Variants in IL1RAPL2 observed in about 807,000 individuals in gnomAD.
The protein encoded by IL1RAPL2 is interleukin 1 receptor accessory protein like 2.
In IL1RAPL2, 3 loss-of-function variants were observed where a neutral mutation model predicts 44.1. The ratio of observed to expected loss-of-function variants is 0.07; its 90% CI spans 0.03 to 0.18. IL1RAPL2 has a LOEUF of 0.18. Among genes scored for constraint, IL1RAPL2 ranks in the 10% least tolerant of loss-of-function variants. The pLI is 1.00. For missense variants in IL1RAPL2, 391 were observed against 496.4 expected (o/e 0.79, Z 2.02); for synonymous variants, 181 against 178.8 (o/e 1.01, Z -0.10).
At chrX:105,584,313 T>A (rs563088578) in intron 6 of IL1RAPL2, among the ~76,000 whole-genome samples, 1 of 111,873 alleles carries the variant, frequency 8.9e-6, no homozygotes, top group African/African-American at 3.2e-5. Context: ...AGACTTGTTA[T>A]GTTCCCTTAA....
intron 2 of IL1RAPL2, among the ~76,000 whole-genome samples, chrX:104,946,503 G>A (rs1220650089): frequency 2.1e-5 from 2 of 97,493 alleles, no homozygotes; most frequent in African/African-American, 7.6e-5. Flanking sequence ...CCATGCTGGT[G>A]TGCTGCACCC....
At chrX:104,973,059 T>G (rs2030266214) in intron 2 of IL1RAPL2, among the ~76,000 whole-genome samples, 1 of 112,088 alleles carries the variant, frequency 8.9e-6, no homozygotes, top group Non-Finnish European at 1.9e-5. Flanking sequence ...AGTTAGGTTG[T>G]AACTGATTCT....
Position 104,689,292 on chromosome X carries a change from G to T in IL1RAPL2, c.82+30297G>T, listed in dbSNP as rs765348599. ...ACCTTGTGATATTTTAAACCATGAC[G>T]TGGGGTGCATTAACTGGGTCCTGCA... On this transcript the variant is annotated intron_variant, in intron 2 of 10. Transcript: ENST00000372582. Among the ~76,000 whole-genome samples the T allele has an allele frequency of 5.4e-5, 6 of 111,584 alleles. No homozygotes were observed. In the South Asian group the frequency reaches 2.2e-3, roughly 42 times the overall value.
chrX:105,704,960 G>A (rs777843620), intron 6 of IL1RAPL2, among the ~76,000 whole-genome samples: 5 of 110,992 alleles, frequency 4.5e-5, no homozygotes, highest in East Asian at 2.9e-4. Context: ...CATTTTTCCC[G>A]TTGAGCTGTT....
intron 6 of IL1RAPL2, among the ~76,000 whole-genome samples, chrX:105,522,873 G>A (rs371822124): frequency 1.8e-5 from 2 of 111,081 alleles, no homozygotes; most frequent in East Asian, 5.7e-4. Context: ...TTCAATGACT[G>A]GGTCCCTGAA....
At chrX:105,506,266 C>T (rs1268876573) in intron 6 of IL1RAPL2, among the ~76,000 whole-genome samples, 2 of 111,432 alleles carry the variant, frequency 1.8e-5, no homozygotes, top group East Asian at 5.7e-4. Flanking sequence ...TATTATTTCT[C>T]ATGATGCCAT....
At chrX:104,954,052 C>T (rs1925650929) in intron 2 of IL1RAPL2, among the ~76,000 whole-genome samples, 1 of 111,715 alleles carries the variant, frequency 9.0e-6, no homozygotes, top group Non-Finnish European at 1.9e-5. Context: ...AAGGGATATT[C>T]TTTCTTTCTG....
intron 5 of IL1RAPL2, among the ~76,000 whole-genome samples, chrX:105,294,135 T>C (rs1388195357): frequency 8.9e-6 from 1 of 112,199 alleles, no homozygotes; most frequent in East Asian, 2.8e-4. Flanking sequence ...CCAGTTTCCA[T>C]TTACTAGAGC....
Position 105,603,048 on chromosome X carries a change from A to G in IL1RAPL2, c.773-114319A>G, listed in dbSNP as rs1022932572. The stretch of plus-strand genomic sequence containing the variant: ...ACACATATGAGAAAGAAAAAAAGGA[A>G]TAAAAAATTATCACTAAAGAAAACC... On this transcript the variant is annotated intron_variant, in intron 6 of 10. Transcript: ENST00000372582. Among the ~76,000 whole-genome samples the G allele has an allele frequency of 2.7e-5, 3 of 110,879 alleles. No homozygotes were observed. The South Asian group carries it at 1.1e-3, about 41-fold the overall frequency.
At chrX:105,746,533 CA>C (rs1435138372) in intron 8 of IL1RAPL2, among the ~76,000 whole-genome samples, 1 of 111,951 alleles carries the variant, frequency 8.9e-6, no homozygotes, top group Non-Finnish European at 1.9e-5. Context: ...TGGGCTGAAT[CA>C]AAGAATCTGG....
At chrX:104,916,575 G>A (rs71510569) in intron 2 of IL1RAPL2, among the ~76,000 whole-genome samples, 21 of 111,179 alleles carry the variant, frequency 1.9e-4, no homozygotes, top group Admixed American at 2.9e-4. Context: ...TCTCCTGCCT[G>A]ATTGCCCTGG....
At chrX:104,870,850 G>A (rs934303785) in intron 2 of IL1RAPL2, among the ~76,000 whole-genome samples, 1 of 111,232 alleles carries the variant, frequency 9.0e-6, no homozygotes, top group African/African-American at 3.3e-5. Context: ...ATTGTTAGTT[G>A]TGAGTAAGGG....
At chrX:104,941,011 G>A (rs769962126) in intron 2 of IL1RAPL2, among the ~76,000 whole-genome samples, 15 of 107,983 alleles carry the variant, frequency 1.4e-4, no homozygotes, top group Admixed American at 3.0e-4. Context: ...TTTGCTCCAT[G>A]TCCCTACAAA....
chrX:104,865,084 G>T (rs1922583596), intron 2 of IL1RAPL2, among the ~76,000 whole-genome samples: 1 of 111,308 alleles, frequency 9.0e-6, no homozygotes, highest in Non-Finnish European at 1.9e-5. Context: ...TTGGCTCCCT[G>T]ACTGGTAGGG....
chrX:104,656,032 A>G (rs1057252127), intron 1 of IL1RAPL2, among the ~76,000 whole-genome samples: 2 of 110,692 alleles, frequency 1.8e-5, no homozygotes, highest in African/African-American at 6.6e-5. Context: ...CCTTTATCAT[A>G]TTTTTATTGC....
chrX:105,680,696 TATTTC>T (rs768268832), intron 6 of IL1RAPL2, among the ~76,000 whole-genome samples: 1 of 112,156 alleles, frequency 8.9e-6, no homozygotes, highest in Non-Finnish European at 1.9e-5. Flanking sequence ...CATTTATAAA[TATTTC>T]ATTTCAGTTT....
At chrX:105,385,602 T>C (rs1182441616) in intron 5 of IL1RAPL2, among the ~76,000 whole-genome samples, 1 of 111,237 alleles carries the variant, frequency 9.0e-6, no homozygotes, top group Admixed American at 9.6e-5. Context: ...ATGAATGCAA[T>C]AGGCATTTTA....
At chrX:104,678,378 G>A (rs1474746072) in intron 2 of IL1RAPL2, among the ~76,000 whole-genome samples, 1 of 112,146 alleles carries the variant, frequency 8.9e-6, no homozygotes, top group Non-Finnish European at 1.9e-5. Context: ...CACAGCATAT[G>A]CAGTAGAATG....
intron 2 of IL1RAPL2, among the ~76,000 whole-genome samples, chrX:104,969,593 A>G (rs2030193533): frequency 9.0e-6 from 1 of 111,684 alleles, no homozygotes; most frequent in South Asian, 3.7e-4. Context: ...CTGGGGAAAG[A>G]TATTTGCAAG....
Sources: gnomAD v4.1 joint callset for allele counts (sites outside exome capture counted in the v4.1 genomes callset) on GRCh38, gnomAD v4.1.1 for gene constraint, MANE v1.5 for transcripts, NCBI Gene and HGNC (gene_info 2026-07-23, HGNC 2026-07-21) for gene names.